Variants in KSR1 observed in about 807,000 individuals in gnomAD.
KSR1 encodes the protein kinase suppressor of ras.
In KSR1, 35 loss-of-function variants were observed where a neutral mutation model predicts 92.9. The ratio of observed to expected loss-of-function variants is 0.38; its 90% CI spans 0.29 to 0.50. The LOEUF (loss-of-function observed/expected upper bound fraction) is 0.50, where lower values mean the gene tolerates loss of function less well. Ranked by LOEUF, KSR1 falls within the 20% of genes least tolerant of loss-of-function variation. The pLI, the probability that KSR1 is intolerant of heterozygous loss-of-function variation, is 0.94. For missense variants in KSR1, 972 were observed against 1,158.5 expected (o/e 0.84, Z 2.34); for synonymous variants, 467 against 472.6 (o/e 0.99, Z 0.15).
intron 11 of KSR1, chr17:27,601,763 C>T: frequency 1.5e-6 from 1 of 686,438 alleles, no homozygotes; most frequent in South Asian, 1.9e-5. Context: ...GAGCATATGT[C>T]ACCGTATCCT....
chr17:27,564,035 C>CT (rs2071953839), intron 2 of KSR1, among the ~76,000 whole-genome samples: 1 of 105,318 alleles, frequency 9.5e-6, no homozygotes, highest in Non-Finnish European at 1.8e-5. Context: ...GTTGCCGAGG[C>CT]TGGAGTGCAA....
intron 15 of KSR1, among the ~76,000 whole-genome samples, chr17:27,608,843 T>G (rs139927540): frequency 1.4e-4 from 21 of 152,276 alleles, no homozygotes; most frequent in African/African-American, 5.1e-4. Context: ...TTTAGGCCCT[T>G]TATGACTGTA....
At chr17:27,605,306 A>G (rs536027017) in intron 13 of KSR1, 128 bp from the exon 14 acceptor site, 9 of 1,260,784 alleles carry the variant, frequency 7.1e-6, no homozygotes, top group South Asian at 2.9e-5. Flanking sequence ...CAGAGCTGCA[A>G]CTACAACCTG....
chr17:27,588,420 C>G, intron 5 of KSR1, 55 bp from the exon 6 acceptor site: 4 of 1,498,986 alleles, frequency 2.7e-6, no homozygotes, highest in East Asian at 2.5e-5. Context: ...GTCATGGGCA[C>G]GAGCTGTCGC....
At chr17:27,542,013 G>A (rs2151068768) in intron 1 of KSR1, among the ~76,000 whole-genome samples, 1 of 152,332 alleles carries the variant, frequency 6.6e-6, no homozygotes, top group South Asian at 2.1e-4. Flanking sequence ...TCAGAAGTCT[G>A]GAAGGGTCTG....
At position 27,605,449 on chromosome 17, in the gene KSR1, G is replaced by C; in HGVS notation, c.1630G>C (p.Ala544Pro). The part of the protein sequence containing the change: ...AHEAEAEEPE[A>P]GKSEAEDDED... Reference sequence around the variant, plus strand: ...CTCCTTTCAGGCTGAGGAGCCAGAGGCTGGCAAGTCAGAGGCAGAAGACGA... The same window carrying C: ...CTCCTTTCAGGCTGAGGAGCCAGAGCCTGGCAAGTCAGAGGCAGAAGACGA... The change falls in exon 14 of 21, where the codon GCT (alanine) becomes CCT (proline). Residue 544 changes from alanine to proline, a missense_variant. Ala to Pro is a conservative substitution (Grantham distance 27). Around this residue, in one of 5 missense-constraint regions of KSR1, gnomAD observed 611 missense variants for 668.0 expected, o/e 0.91. Coordinates refer to ENST00000644974, the MANE Select transcript of KSR1 (RefSeq NM_001394583.1). 6.2e-7 allele frequency: 1 copy of C among 1,609,910 alleles called. No homozygotes were observed.
At chr17:27,610,754 T>C (rs1355155611) in intron 17 of KSR1, among the ~76,000 whole-genome samples, 1 of 152,266 alleles carries the variant, frequency 6.6e-6, no homozygotes, top group Non-Finnish European at 1.5e-5. Flanking sequence ...ATATCCAAAA[T>C]ATTATTTCAA....
At chr17:27,501,931 G>A (rs1412763377) in intron 1 of KSR1, among the ~76,000 whole-genome samples, 4 of 152,250 alleles carry the variant, frequency 2.6e-5, no homozygotes, top group Non-Finnish European at 5.9e-5. Context: ...AGGGTCAGGT[G>A]GGCTGCTGTA....
chr17:27,547,210 C>T (rs1481473947), intron 1 of KSR1, among the ~76,000 whole-genome samples: 1 of 152,144 alleles, frequency 6.6e-6, no homozygotes, highest in Non-Finnish European at 1.5e-5. Context: ...AACTAGTTTT[C>T]TGGGGGAAAT....
intron 17 of KSR1, among the ~76,000 whole-genome samples, chr17:27,610,775 AT>A (rs1322280969): frequency 2.0e-5 from 3 of 152,228 alleles, no homozygotes; most frequent in Non-Finnish European, 4.4e-5. Flanking sequence ...CATGTAATCA[AT>A]ATACAAATTA....
At chr17:27,525,383 G>A (rs2070219045) in intron 1 of KSR1, among the ~76,000 whole-genome samples, 1 of 152,238 alleles carries the variant, frequency 6.6e-6, no homozygotes, top group Non-Finnish European at 1.5e-5. Context: ...GGCACTGCAT[G>A]GGTTGGTTCT....
At position 27,601,342 on chromosome 17, in the gene KSR1, C is replaced by T; in HGVS notation, c.1469-18C>T. 6.2e-7 allele frequency: 1 copy of T among 1,611,538 alleles called. No homozygotes were observed. Among genetic ancestry groups the T allele is most frequent in the Non-Finnish European group, 8.5e-7 (1 of 1,177,802 alleles). On this transcript the variant is annotated intron_variant, in intron 10 of 20. Coordinates refer to ENST00000644974, the MANE Select transcript of KSR1 (RefSeq NM_001394583.1). ...TGGCCGTTCTGTGTGTGTGACTCAC[C>T]TCCTCTTCTGTTTAAAGCTGCCTAC...
At chr17:27,623,155 A>G (rs2074271445) in intron 20 of KSR1, 159 bp from the exon 21 acceptor site, 1 of 659,914 alleles carries the variant, frequency 1.5e-6, no homozygotes, top group Non-Finnish European at 2.7e-6. Context: ...TGGACGCAGT[A>G]TGACCAGGGG....
rs1365370214 is a variant in KSR1, at chr17:27,539,001, C to T, written c.232-11567C>T. Among the ~76,000 whole-genome samples the T allele has an allele frequency of 2.6e-5, 4 of 152,322 alleles. No individual in the cohort carries two copies. The East Asian group carries it at 7.7e-4, about 29-fold the overall frequency. ...GCATATAGGTCAGAGTTTAAGGTGC[C>T]TTGCCTTCCCCATCCCTCCCTTCCA... On this transcript the variant is annotated intron_variant, in intron 1 of 20. Transcript: ENST00000644974.
chr17:27,538,750 T>C (rs2070844770), intron 1 of KSR1, among the ~76,000 whole-genome samples: 1 of 152,170 alleles, frequency 6.6e-6, no homozygotes, highest in African/African-American at 2.4e-5. Context: ...AGCATGGTGC[T>C]CCACAGGGTG....
Position 27,621,326 on chromosome 17 carries a change from C to T in KSR1, c.2708+53C>T, listed in dbSNP as rs985796537. 1.5e-5 allele frequency: 6 copies of T among 398,522 alleles called. No homozygotes were observed. In the Admixed American group the frequency reaches 2.2e-4, roughly 15 times the overall value. 24.7% of individuals were successfully genotyped at this position (398,522 alleles called of 1,614,324 possible). A position where few individuals can be genotyped will look rare whatever the true frequency, so the allele number is the denominator to read the frequency against. On this transcript the variant is annotated intron_variant, in intron 20 of 20. Transcript: ENST00000644974. ...CTGCCTGTCTCTGGTTTTCCTGACA[C>T]AAGCCCTGCTTCCTTTCTGTCGCCG...
rs1297382112 is a variant in KSR1 at position 27,493,090 on chromosome 17, G to A, written c.231+36216G>A. 2.6e-5 allele frequency among the ~76,000 whole-genome samples: 4 copies of A among 152,190 alleles called. No homozygotes were observed. The East Asian group carries it at 7.7e-4, about 29-fold the overall frequency. ...TGTGTTCCTTCATCATTCTGCTGAT[G>A]ATGATCATTTATGGAGCAATTTACT... On this transcript the variant is annotated intron_variant, in intron 1 of 20. Transcript: ENST00000644974.
rs773102088 is a variant in KSR1, at chr17:27,550,630, G to C, written c.294G>C (p.Glu98Asp). ...GCAAGCTGAGCGTGGCTCCCGGTGA[G>C]AGGACCCCAGAGCTCAACAGCTACC... ...RQCKLSVAPGERTPELNSYPR... is the reference protein window; with the variant it reads ...RQCKLSVAPGDRTPELNSYPR... The change falls in exon 2 of 21, where the codon GAG becomes GAC. Residue 98 changes from glutamate to aspartate, a missense_variant. By Grantham distance (45) the Glu-to-Asp change is conservative (BLOSUM62 2). Around this residue, in one of 5 missense-constraint regions of KSR1, gnomAD observed 611 missense variants for 668.0 expected, o/e 0.91. Transcript: ENST00000644974. The C allele has an allele frequency of 1.3e-6, 1 of 764,578 alleles. No individual in the cohort carries two copies. Among genetic ancestry groups the C allele is most frequent in the Non-Finnish European group, 2.4e-6 (1 of 417,896 alleles). 47.4% of individuals were successfully genotyped at this position (764,578 alleles called of 1,614,324 possible).
chr17:27,569,101 G>A (rs1225513397), intron 2 of KSR1, among the ~76,000 whole-genome samples: 7 of 152,148 alleles, frequency 4.6e-5, no homozygotes, highest in Admixed American at 4.6e-4. Context: ...GTTCTAGTGT[G>A]GGATCTTGTG....
Sources: allele counts gnomAD v4.1 joint callset (sites outside exome capture counted in the v4.1 genomes callset), GRCh38; gene constraint gnomAD v4.1.1; regional missense constraint gnomAD v4.1.1; transcripts MANE v1.5; gene names NCBI Gene and HGNC (gene_info 2026-07-23, HGNC 2026-07-21).